Variants in IL15 observed in about 807,000 individuals in gnomAD.
The protein encoded by IL15 is interleukin 15, also known as interleukin-15.
A neutral mutation model predicts 19.6 loss-of-function variants in IL15; 11 were observed. The observed-to-expected ratio is 0.56, with a 90% CI of 0.35 to 0.93. IL15 has a LOEUF of 0.93. IL15 is among the 40% of genes least tolerant of loss of function. The pLI is 0.01. For missense variants in IL15, 197 were observed against 186.5 expected (o/e 1.06, Z -0.33); for synonymous variants, 58 against 59.6 (o/e 0.97, Z 0.12).
At chr4:141,706,854 C>A (rs562182324) in intron 2 of IL15, among the ~76,000 whole-genome samples, 1 of 152,130 alleles carries the variant, frequency 6.6e-6, no homozygotes, top group Non-Finnish European at 1.5e-5. Flanking sequence ...TCTTTGACTG[C>A]TGACAGTTTG....
chr4:141,702,734 G>A (rs1729362730), intron 2 of IL15, among the ~76,000 whole-genome samples: 1 of 152,248 alleles, frequency 6.6e-6, no homozygotes, highest in Non-Finnish European at 1.5e-5. Flanking sequence ...AGCTGCAGTA[G>A]CAGCAGTGGG....
chr4:141,688,687 C>G (rs1210450209), intron 2 of IL15: 1 of 152,236 alleles, frequency 6.6e-6, no homozygotes, highest in Non-Finnish European at 1.5e-5. Flanking sequence ...TCTAGTTCTG[C>G]CATCTCTTGA....
chr4:141,652,445 A>G (rs1037511530), intron 1 of IL15, among the ~76,000 whole-genome samples: 4 of 152,164 alleles, frequency 2.6e-5, no homozygotes, highest in Non-Finnish European at 5.9e-5. Flanking sequence ...CTTTATTAAT[A>G]GAGACGACCT....
At chr4:141,679,021 C>T (rs1490389526) in intron 2 of IL15, among the ~76,000 whole-genome samples, 1 of 152,102 alleles carries the variant, frequency 6.6e-6, no homozygotes, top group Non-Finnish European at 1.5e-5. Context: ...GTTTGCTTGC[C>T]TCCATTAAGA....
intron 2 of IL15, among the ~76,000 whole-genome samples, chr4:141,659,236 T>C (rs1727709622): frequency 6.6e-6 from 1 of 151,612 alleles, no homozygotes; most frequent in African/African-American, 2.4e-5. Context: ...GGAGTCTTGC[T>C]TGTTTGCCCA....
At chr4:141,650,595 A>G (rs1727372109) in intron 1 of IL15, among the ~76,000 whole-genome samples, 1 of 152,102 alleles carries the variant, frequency 6.6e-6, no homozygotes, top group South Asian at 2.1e-4. Context: ...TAACCTCTTT[A>G]TGTAAAATTG....
At chr4:141,712,282 C>G (rs1729738395) in intron 2 of IL15, among the ~76,000 whole-genome samples, 1 of 152,048 alleles carries the variant, frequency 6.6e-6, no homozygotes, top group Non-Finnish European at 1.5e-5. Flanking sequence ...TGAAAACTGA[C>G]TAGAGGAACA....
At chr4:141,673,865 A>G (rs1252676701) in intron 2 of IL15, among the ~76,000 whole-genome samples, 1 of 152,176 alleles carries the variant, frequency 6.6e-6, no homozygotes, top group African/African-American at 2.4e-5. Flanking sequence ...ATTCCAGCAT[A>G]ATTAATGATC....
At chr4:141,647,791 A>T (rs1727279661) in intron 1 of IL15, among the ~76,000 whole-genome samples, 1 of 152,016 alleles carries the variant, frequency 6.6e-6, no homozygotes, top group Non-Finnish European at 1.5e-5. Flanking sequence ...GCGAGACACT[A>T]TCTTTACCTC....
chr4:141,732,923 C>A lies in IL15; in HGVS notation c.*75C>A. The A allele has an allele frequency of 3.3e-6, 5 of 1,530,876 alleles. No homozygotes were observed. The highest frequency in any genetic ancestry group is 3.5e-6 in the Non-Finnish European group (4 of 1,144,390). 94.8% of individuals were successfully genotyped at this position (1,530,876 alleles called of 1,614,324 possible). On this transcript the variant is annotated 3_prime_UTR_variant, in exon 8 of 8. Coordinates refer to ENST00000320650, the MANE Select transcript of IL15 (RefSeq NM_000585.5). ...TGCTGCTTAGACATAACAAAACACT[C>A]GGCATTTCAAATGTGCTGTCAAAAC...
intron 1 of IL15, among the ~76,000 whole-genome samples, chr4:141,652,414 C>T (rs1399762984): frequency 6.6e-6 from 1 of 152,138 alleles, no homozygotes; most frequent in African/African-American, 2.4e-5. Flanking sequence ...GGAGTCCAAA[C>T]ACTGCTAGTT....
At chr4:141,675,952 T>G (rs1412728451) in intron 2 of IL15, among the ~76,000 whole-genome samples, 1 of 151,926 alleles carries the variant, frequency 6.6e-6, no homozygotes, top group African/African-American at 2.4e-5. Context: ...AATCATTAAA[T>G]AGAAAGGATA....
intron 3 of IL15, among the ~76,000 whole-genome samples, chr4:141,720,265 A>G (rs1005330467): frequency 6.6e-6 from 1 of 152,124 alleles, no homozygotes; most frequent in Non-Finnish European, 1.5e-5. Context: ...CTGTTAAGGA[A>G]CTTTGTGCAT....
chr4:141,682,000 A>G (rs558660993), intron 2 of IL15, among the ~76,000 whole-genome samples: 5 of 152,338 alleles, frequency 3.3e-5, no homozygotes, highest in Admixed American at 6.5e-5. Context: ...TCTGCTGAGA[A>G]GTGATTTTTC....
chr4:141,657,823 T>G, intron 2 of IL15, among the ~76,000 whole-genome samples: 1 of 152,308 alleles, frequency 6.6e-6, no homozygotes, highest in South Asian at 2.1e-4. Context: ...TACAGTTAAC[T>G]TTTAAGAAAA....
intron 2 of IL15, among the ~76,000 whole-genome samples, chr4:141,680,402 T>C (rs935025964): frequency 6.6e-6 from 1 of 152,214 alleles, no homozygotes; most frequent in Admixed American, 6.5e-5. Context: ...ACTGTTTTCA[T>C]TTTTTTGTTT....
intron 2 of IL15, among the ~76,000 whole-genome samples, chr4:141,660,478 A>C (rs1219583924): frequency 6.6e-6 from 1 of 152,166 alleles, no homozygotes; most frequent in East Asian, 1.9e-4. Context: ...TTATGCGCTC[A>C]TTATAGAAGA....
At chr4:141,726,680 A>C (rs748544672) in intron 5 of IL15, among the ~76,000 whole-genome samples, 3 of 152,142 alleles carry the variant, frequency 2.0e-5, no homozygotes, top group Non-Finnish European at 2.9e-5. Context: ...ACTGCCAAAA[A>C]CTGGAAACAG....
At chr4:141,732,567 T>C (rs938618219) in intron 7 of IL15, among the ~76,000 whole-genome samples, 171 bp from the exon 8 acceptor site, 2 of 152,176 alleles carry the variant, frequency 1.3e-5, no homozygotes, top group Non-Finnish European at 2.9e-5. Context: ...ATATATCAAA[T>C]CTCCCTGTTC....
Sources: allele counts gnomAD v4.1 joint callset (sites outside exome capture counted in the v4.1 genomes callset), GRCh38; gene constraint gnomAD v4.1.1; transcripts MANE v1.5; gene names NCBI Gene and HGNC (gene_info 2026-07-23, HGNC 2026-07-21).